Variants in RNF13 observed in about 807,000 individuals in gnomAD.
RNF13 encodes the protein ring finger protein 13.
A neutral mutation model predicts 37.7 loss-of-function variants in RNF13; 19 were observed. The ratio of observed to expected loss-of-function variants is 0.50; its 90% CI spans 0.35 to 0.74. RNF13 has a LOEUF of 0.74. RNF13 is among the 30% of genes least tolerant of loss of function. RNF13 has a pLI of 0.01. For missense variants in RNF13, 375 were observed against 453.0 expected (o/e 0.83, Z 1.56); for synonymous variants, 144 against 157.8 (o/e 0.91, Z 0.65).
At chr3:149,945,773 C>T (rs1281713480) in intron 8 of RNF13, among the ~76,000 whole-genome samples, 1 of 152,216 alleles carries the variant, frequency 6.6e-6, no homozygotes, top group Non-Finnish European at 1.5e-5. Context: ...ATTCGCTGTA[C>T]TGCAGCCTCC....
chr3:149,925,450 C>T (rs959799037), intron 8 of RNF13, among the ~76,000 whole-genome samples: 2 of 152,132 alleles, frequency 1.3e-5, no homozygotes, highest in African/African-American at 2.4e-5. Context: ...GTACCACATA[C>T]GAATGCATAC....
chr3:149,946,779 TTCTA>T (rs1281250624), intron 8 of RNF13, among the ~76,000 whole-genome samples: 1 of 152,204 alleles, frequency 6.6e-6, no homozygotes, highest in African/African-American at 2.4e-5. Context: ...GTTGTATTTT[TTCTA>T]TCTTTTTTCC....
intron 4 of RNF13, among the ~76,000 whole-genome samples, chr3:149,880,940 T>C (rs1713322804): frequency 6.6e-6 from 1 of 152,234 alleles, no homozygotes; most frequent in Non-Finnish European, 1.5e-5. Context: ...TTATTTTTAC[T>C]TGTTCCCTAG....
chr3:149,909,952 G>GA (rs3836226), intron 6 of RNF13, among the ~76,000 whole-genome samples: 98,371 of 148,474 alleles, frequency 0.66, 32,688 homozygotes, highest in Non-Finnish European at 0.71. Flanking sequence ...AAAAAGAGAA[G>GA]AAAAAAAAAA....
chr3:149,839,550 G>C (rs559659812), intron 1 of RNF13, among the ~76,000 whole-genome samples: 1 of 150,948 alleles, frequency 6.6e-6, no homozygotes, highest in Non-Finnish European at 1.5e-5. Flanking sequence ...GCAAGCAAGA[G>C]AGCATGTGCA....
chr3:149,813,225 T>C lies in RNF13; in HGVS notation c.-145T>C, dbSNP rs1719077371. ...CGGGACTTCCGCTTCGCCTAGGTGT[T>C]GTCGTCCCTGCTAGTACTCCGGGCT... On this transcript the variant is annotated 5_prime_UTR_variant, in exon 1 of 10. Transcript: ENST00000392894. 1 of 152,402 alleles carries C rather than the reference T, an allele frequency of 6.6e-6. No individual in the cohort carries two copies. The highest frequency in any genetic ancestry group is 1.5e-5 in the Non-Finnish European group (1 of 68,260). 9.4% of individuals were successfully genotyped at this position (152,402 alleles called of 1,614,324 possible).
At chr3:149,856,092 G>T (rs1723617461) in intron 3 of RNF13, among the ~76,000 whole-genome samples, 1 of 150,988 alleles carries the variant, frequency 6.6e-6, no homozygotes, top group South Asian at 2.1e-4. Flanking sequence ...AAGATATGTT[G>T]ATGAGTTTGT....
chr3:149,892,532 C>T (rs1348294610), intron 4 of RNF13, among the ~76,000 whole-genome samples: 8 of 152,250 alleles, frequency 5.3e-5, no homozygotes, highest in African/African-American at 1.9e-4. Flanking sequence ...AGCCCCCAGC[C>T]GTGGTCCCGT....
At chr3:149,918,785 T>C (rs1717816449) in intron 7 of RNF13, among the ~76,000 whole-genome samples, 1 of 151,180 alleles carries the variant, frequency 6.6e-6, no homozygotes, top group Non-Finnish European at 1.5e-5. Flanking sequence ...AGCCTTGGCC[T>C]CCCAAAGCAC....
At position 149,813,246 on chromosome 3, in the gene RNF13, G is replaced by T. The variant is rs988102526; in HGVS notation, c.-124G>T. The T allele has an allele frequency of 6.6e-6, 1 of 151,578 alleles. No homozygotes were observed. Among genetic ancestry groups the T allele is most frequent in the African/African-American group, 2.5e-5 (1 of 40,736 alleles). The allele number at this position is 151,578 out of a possible 1,614,324, so 9.4% of individuals were successfully genotyped here. A position where few individuals can be genotyped will look rare whatever the true frequency, so the allele number is the denominator to read the frequency against. On this transcript the variant is annotated 5_prime_UTR_variant, in exon 1 of 10. Transcript: ENST00000392894. ...GTGTTGTCGTCCCTGCTAGTACTCC[G>T]GGCTGTGGGGGTCGGTGCGGATATT...
intron 1 of RNF13, among the ~76,000 whole-genome samples, chr3:149,824,686 A>G (rs1236124078): frequency 6.6e-6 from 1 of 151,798 alleles, no homozygotes; most frequent in Non-Finnish European, 1.5e-5. Context: ...TTAAAGATAT[A>G]CACACAAATA....
intron 7 of RNF13, among the ~76,000 whole-genome samples, chr3:149,919,557 A>G (rs1001088380): frequency 6.6e-5 from 10 of 152,152 alleles, no homozygotes; most frequent in African/African-American, 1.7e-4. Context: ...TGAGATTTGT[A>G]TATGTTATTG....
intron 8 of RNF13, among the ~76,000 whole-genome samples, chr3:149,955,647 C>T (rs911504557): frequency 3.3e-5 from 5 of 152,092 alleles, no homozygotes; most frequent in Non-Finnish European, 5.9e-5. Context: ...GCAGAAGCAG[C>T]GAGTAAGTGG....
intron 1 of RNF13, among the ~76,000 whole-genome samples, chr3:149,817,724 A>G (rs1244729201): frequency 6.6e-6 from 1 of 152,216 alleles, no homozygotes; most frequent in Non-Finnish European, 1.5e-5. Context: ...TGTTGATGAC[A>G]ATACCAATTC....
chr3:149,935,873 G>T (rs1051111160), intron 8 of RNF13, among the ~76,000 whole-genome samples: 6 of 152,086 alleles, frequency 3.9e-5, no homozygotes, highest in Non-Finnish European at 5.9e-5. Flanking sequence ...TTTTCTTGTT[G>T]CATGTTAGTG....
At chr3:149,872,005 T>C in intron 3 of RNF13, 24 bp from the exon 4 acceptor site, 2 of 1,569,508 alleles carry the variant, frequency 1.3e-6, no homozygotes, top group South Asian at 1.2e-5. Flanking sequence ...AACAGAGAGA[T>C]AATTTTTACC....
intron 1 of RNF13, among the ~76,000 whole-genome samples, chr3:149,818,639 A>ATT (rs1719707569): frequency 6.6e-6 from 1 of 152,184 alleles, no homozygotes; most frequent in African/African-American, 2.4e-5. Flanking sequence ...CCGGCTGGGC[A>ATT]CTGTGGCTCA....
At chr3:149,947,857 A>G (rs1390181362) in intron 8 of RNF13, among the ~76,000 whole-genome samples, 2 of 151,878 alleles carry the variant, frequency 1.3e-5, no homozygotes, top group Non-Finnish European at 1.5e-5. Context: ...CTTAAAGTCT[A>G]TTCTGTTTGA....
chr3:149,826,509 A>G (rs1720521060), intron 1 of RNF13, among the ~76,000 whole-genome samples: 1 of 152,222 alleles, frequency 6.6e-6, no homozygotes, highest in African/African-American at 2.4e-5. Flanking sequence ...TTGCTTGCTC[A>G]TTTAAGAAAT....
Sources: gnomAD v4.1 joint callset for allele counts (sites outside exome capture counted in the v4.1 genomes callset) on GRCh38, gnomAD v4.1.1 for gene constraint, MANE v1.5 for transcripts, NCBI Gene and HGNC (gene_info 2026-07-23, HGNC 2026-07-21) for gene names.